The following KCNN2 variants were observed in gnomAD, a reference collection of about 807,000 sequenced individuals.
KCNN2 encodes the protein small conductance calcium-activated potassium channel protein 2.
Under a neutral mutation model 55.5 loss-of-function variants are expected in KCNN2, and 24 were observed. The observed-to-expected ratio is 0.43, with a 90% CI of 0.31 to 0.61. KCNN2 has a LOEUF of 0.61. Among genes scored for constraint, KCNN2 ranks in the 20% least tolerant of loss-of-function variants. The probability of loss-of-function intolerance (pLI) is 0.08; values close to 1 mark genes in which losing one functional copy is unlikely to be tolerated. For synonymous variants in KCNN2, 431 were observed against 336.1 expected, an observed-to-expected ratio of 1.28 and a Z score of -3.09; for missense variants, 754 against 853.6, an observed-to-expected ratio of 0.88 and a Z score of 1.45.
intron 1 of KCNN2, among the ~76,000 whole-genome samples, chr5:114,064,339 C>G (rs1281701017): frequency 6.6e-6 from 1 of 152,184 alleles, no homozygotes; most frequent in Non-Finnish European, 1.5e-5. Flanking sequence ...AAGTGACATT[C>G]TGAGGCTTCT....
At chr5:114,306,508 A>G (rs1756274640) in intron 2 of KCNN2, among the ~76,000 whole-genome samples, 1 of 152,238 alleles carries the variant, frequency 6.6e-6, no homozygotes. Flanking sequence ...TACAAAAATG[A>G]TTCATGCTTT....
At chr5:114,064,374 G>A (rs1464216635) in intron 1 of KCNN2, among the ~76,000 whole-genome samples, 3 of 152,190 alleles carry the variant, frequency 2.0e-5, no homozygotes, top group African/African-American at 7.2e-5. Flanking sequence ...AGAGGATGGT[G>A]GTTTTTGTGT....
At chr5:114,435,986 G>T (rs1455068480) in intron 3 of KCNN2, among the ~76,000 whole-genome samples, 1 of 152,068 alleles carries the variant, frequency 6.6e-6, no homozygotes, top group Non-Finnish European at 1.5e-5. Flanking sequence ...CTGAAGTAGG[G>T]GTTTTTATCT....
At chr5:114,065,445 A>G (rs1482648484) in intron 1 of KCNN2, among the ~76,000 whole-genome samples, 1 of 152,216 alleles carries the variant, frequency 6.6e-6, no homozygotes, top group Non-Finnish European at 1.5e-5. Context: ...TCTGAGGTGA[A>G]TGATTTTTTT....
At chr5:114,334,030 T>A (rs1756874610) in intron 2 of KCNN2, among the ~76,000 whole-genome samples, 1 of 152,218 alleles carries the variant, frequency 6.6e-6, no homozygotes, top group South Asian at 2.1e-4. Context: ...CTTCACATGT[T>A]TTGTGGGTTC....
At chr5:114,162,496 G>T (rs1490939194) in intron 1 of KCNN2, among the ~76,000 whole-genome samples, 1 of 152,194 alleles carries the variant, frequency 6.6e-6, no homozygotes, top group Non-Finnish European at 1.5e-5. Flanking sequence ...ATCTCAGGCT[G>T]TGTGCTGGGA....
At chr5:114,393,971 A>C (rs912519828) in intron 2 of KCNN2, among the ~76,000 whole-genome samples, 1 of 110,826 alleles carries the variant, frequency 9.0e-6, no homozygotes, top group East Asian at 2.0e-4. Context: ...GCAACAAATA[A>C]TCATGTACAT....
intron 6 of KCNN2, 81 bp downstream of exon 6, chr5:114,487,258 G>A: frequency 2.3e-6 from 3 of 1,305,136 alleles, no homozygotes; most frequent in Admixed American, 2.1e-5. Context: ...TGTTTCATAA[G>A]GAAGGAAAAA....
At chr5:114,261,721 G>GAA in intron 2 of KCNN2, among the ~76,000 whole-genome samples, 1 of 152,318 alleles carries the variant, frequency 6.6e-6, no homozygotes, top group South Asian at 2.1e-4. Flanking sequence ...CTACATTTAT[G>GAA]AAAGAATCTG....
At chr5:114,102,771 C>A (rs1251400089) in intron 1 of KCNN2, among the ~76,000 whole-genome samples, 5 of 152,004 alleles carry the variant, frequency 3.3e-5, no homozygotes, top group African/African-American at 1.2e-4. Context: ...ATTTCTGAGG[C>A]CTCTGTTCTG....
intron 3 of KCNN2, among the ~76,000 whole-genome samples, chr5:114,423,054 C>A (rs1759516363): frequency 6.6e-6 from 1 of 152,170 alleles, no homozygotes; most frequent in Non-Finnish European, 1.5e-5. Context: ...AATGCATTGT[C>A]TGTTAAGCAT....
At chr5:114,275,668 T>A (rs1363496281) in intron 2 of KCNN2, among the ~76,000 whole-genome samples, 2 of 152,204 alleles carry the variant, frequency 1.3e-5, no homozygotes, top group Non-Finnish European at 2.9e-5. Flanking sequence ...TTTTGTGGGA[T>A]CGGTGGTGAT....
At chr5:114,363,304 T>C (rs758233353) in intron 1 of KCNN2, 43 bp downstream of exon 1, 2 of 1,520,634 alleles carry the variant, frequency 1.3e-6, no homozygotes, top group Non-Finnish European at 8.8e-7. Flanking sequence ...AGTCGGGCAC[T>C]GGGTGGTTGG....
At chr5:114,098,414 G>C (rs931473750) in intron 1 of KCNN2, among the ~76,000 whole-genome samples, 1 of 151,932 alleles carries the variant, frequency 6.6e-6, no homozygotes, top group African/African-American at 2.4e-5. Context: ...AAAAGTAAGT[G>C]GCAGGCAAGT....
intron 1 of KCNN2, among the ~76,000 whole-genome samples, chr5:114,141,331 C>T (rs1025486273): frequency 6.6e-5 from 10 of 152,064 alleles, no homozygotes; most frequent in African/African-American, 2.2e-4. Flanking sequence ...TTCCTGTGTC[C>T]ATGTGTTCTC....
rs1238679092 is a variant in KCNN2, at chr5:114,363,942, A to C, written c.1159A>C (p.Ser387Arg). The change falls in exon 2 of 8, where the codon AGT (serine) becomes CGT (arginine). Residue 387 changes from serine to arginine, a missense_variant. Around this residue, in one of 4 missense-constraint regions of KCNN2, gnomAD observed 123 missense variants for 204.9 expected, o/e 0.60. Transcript: ENST00000673685. ...TTCCTTAGCTCTGAAATGCCTTATC[A>C]GTCTCTCCACGATCATCCTGCTCGG... is the stretch of plus-strand genomic sequence containing the variant. ...LYSLALKCLISLSTIILLGLI... is the reference protein window; with the variant it reads ...LYSLALKCLIRLSTIILLGLI... 6.2e-7 allele frequency: 1 copy of C among 1,614,080 alleles called. No individual in the cohort carries two copies. The highest frequency in any genetic ancestry group is 1.3e-5 in the African/African-American group (1 of 75,042).
chr5:114,176,654 C>T (rs1580590821), intron 1 of KCNN2, among the ~76,000 whole-genome samples: 1 of 151,892 alleles, frequency 6.6e-6, no homozygotes, highest in East Asian at 1.9e-4. Flanking sequence ...ATAAAATAAA[C>T]ACATGTCAAA....
chr5:114,373,657 T>TATATATATAA (rs1175218618), intron 2 of KCNN2, among the ~76,000 whole-genome samples: 3,387 of 117,618 alleles, frequency 0.029, 407 homozygotes, highest in African/African-American at 0.094. Flanking sequence ...TATATATATA[T>TATATATATAA]AAAATTACTT....
intron 3 of KCNN2, among the ~76,000 whole-genome samples, chr5:114,462,055 ACTGT>A (rs1761227438): frequency 6.6e-6 from 1 of 152,156 alleles, no homozygotes; most frequent in African/African-American, 2.4e-5. Flanking sequence ...CTGGGGCCTG[ACTGT>A]CATAGAAACC....
Sources: allele counts gnomAD v4.1 joint callset (sites outside exome capture counted in the v4.1 genomes callset), GRCh38; gene constraint gnomAD v4.1.1; regional missense constraint gnomAD v4.1.1; transcripts MANE v1.5; gene names NCBI Gene and HGNC (gene_info 2026-07-23, HGNC 2026-07-21).